NPFFR2: variants seen among roughly 807,000 people sequenced by gnomAD.
NPFFR2 encodes the protein G-protein coupled receptor 74.
In NPFFR2, 15 loss-of-function variants were observed where a neutral mutation model predicts 13.1. The observed-to-expected ratio is 1.15, with a 90% CI of 0.77 to 1.76. The LOEUF (loss-of-function observed/expected upper bound fraction) is 1.76, where lower values mean the gene tolerates loss of function less well. Ranked by LOEUF, NPFFR2 falls within the 40% of genes most tolerant of loss-of-function variation. The pLI is 0.00. For synonymous variants in NPFFR2, 190 were observed against 175.7 expected, an observed-to-expected ratio of 1.08 and a Z score of -0.65; for missense variants, 572 against 503.5, an observed-to-expected ratio of 1.14 and a Z score of -1.30.
chr4:72,039,417 A>G, intron 1 of NPFFR2: 1 of 983,258 alleles, frequency 1.0e-6, no homozygotes, highest in East Asian at 1.1e-4. Context: ...ATTACAGGTA[A>G]CCAATCTTAA....
intron 1 of NPFFR2, among the ~76,000 whole-genome samples, chr4:72,068,669 T>C (rs985806788): frequency 1.3e-5 from 2 of 152,066 alleles, no homozygotes; most frequent in Non-Finnish European, 2.9e-5. Flanking sequence ...AATTAATGAA[T>C]GAATAAATGA....
chr4:72,085,918 T>C (rs752348171), intron 1 of NPFFR2, among the ~76,000 whole-genome samples: 2 of 152,056 alleles, frequency 1.3e-5, no homozygotes, highest in Non-Finnish European at 2.9e-5. Flanking sequence ...GAAGAAACAA[T>C]GGAGGGAAAA....
At position 72,128,612 on chromosome 4, in the gene NPFFR2, A is replaced by T; in HGVS notation, c.21A>T (p.Thr7=). The change falls in exon 2 of 4, where the codon ACA becomes ACT. Residue 7 remains threonine, a synonymous_variant. Coordinates refer to ENST00000308744, the MANE Select transcript of NPFFR2 (RefSeq NM_004885.3). Reference sequence around the variant, plus strand: ...TCATCATGAATGAGAAATGGGACACAAACTCTTCAGAAAACTGGCATCCCA... The same window carrying T: ...TCATCATGAATGAGAAATGGGACACTAACTCTTCAGAAAACTGGCATCCCA... The part of the protein sequence containing the change: MNEKWD[T]NSSENWHPIW... 3.1e-6 allele frequency: 5 copies of T among 1,609,922 alleles called. No individual in the cohort carries two copies. The highest frequency in any genetic ancestry group is 4.2e-6 in the Non-Finnish European group (5 of 1,176,826).
intron 1 of NPFFR2, among the ~76,000 whole-genome samples, chr4:72,117,189 CT>C (rs1341710943): frequency 6.6e-6 from 1 of 152,150 alleles, no homozygotes; most frequent in African/African-American, 2.4e-5. Context: ...CCCGGCAGGA[CT>C]GACAGTAAAT....
chr4:72,046,758 G>C (rs1007928248), intron 1 of NPFFR2, among the ~76,000 whole-genome samples: 2 of 152,166 alleles, frequency 1.3e-5, no homozygotes, highest in African/African-American at 2.4e-5. Context: ...CTGGTAAGGG[G>C]TCCAAACAAG....
intron 1 of NPFFR2, among the ~76,000 whole-genome samples, chr4:72,043,129 G>A (rs1719276562): frequency 1.3e-5 from 2 of 152,176 alleles, no homozygotes; most frequent in African/African-American, 4.8e-5. Flanking sequence ...CCAATCCTTG[G>A]TAGCTGCCAT....
In NPFFR2 at chr4:72,056,352, A is replaced by G. The variant is rs111663988; in HGVS notation, c.-8+24152A>G. ...TGATGACAGCACTTCTGTTTACAGC[A>G]TGGTGTACTCTATACTTTCAGCCCA... is the stretch of plus-strand genomic sequence containing the variant. On this transcript the variant is annotated intron_variant, in intron 1 of 3. Coordinates refer to ENST00000308744, the MANE Select transcript of NPFFR2 (RefSeq NM_004885.3). Among the ~76,000 whole-genome samples, 452 of 152,120 alleles carry G rather than the reference A, an allele frequency of 3.0e-3. 3 individuals carry two copies. The highest frequency in any genetic ancestry group is 9.9e-3 in the African/African-American group (410 of 41,532).
Position 72,147,729 on chromosome 4 carries a change from C to T in NPFFR2, c.1180C>T (p.Leu394Phe), listed in dbSNP as rs1450281981. The T allele has an allele frequency of 6.2e-7, 1 of 1,608,800 alleles. No individual in the cohort carries two copies. The highest frequency in any genetic ancestry group is 8.5e-7 in the Non-Finnish European group (1 of 1,178,810). Residue 394 changes from leucine to phenylalanine, a missense_variant, in exon 4 of 4, where the codon CTT becomes TTT. Coordinates refer to ENST00000308744, the MANE Select transcript of NPFFR2 (RefSeq NM_004885.3). The part of the protein sequence containing the change: ...TFQNPHGETL[L>F]YRKSAEKPQQ... ...TCAAAACCCTCATGGGGAAACCTTG[C>T]TTTATAGGAAAAGTGCTGAAAAACC... is the stretch of plus-strand genomic sequence containing the variant.
At chr4:72,070,849 G>A (rs993123187) in intron 1 of NPFFR2, among the ~76,000 whole-genome samples, 4 of 152,082 alleles carry the variant, frequency 2.6e-5, no homozygotes, top group Admixed American at 6.6e-5. Flanking sequence ...AAAACGTATT[G>A]TATACTTGTA....
chr4:72,124,188 A>G (rs1361246297), intron 1 of NPFFR2, among the ~76,000 whole-genome samples: 1 of 152,182 alleles, frequency 6.6e-6, no homozygotes, highest in African/African-American at 2.4e-5. Context: ...TAAAATACCT[A>G]GGAATACAAC....
intron 1 of NPFFR2, among the ~76,000 whole-genome samples, chr4:72,101,430 A>T (rs1721246747): frequency 6.6e-6 from 1 of 151,752 alleles, no homozygotes; most frequent in African/African-American, 2.4e-5. Context: ...CTTTCAAATT[A>T]GAAGAATTGG....
At chr4:72,036,387 T>C (rs943498136) in intron 1 of NPFFR2, among the ~76,000 whole-genome samples, 2 of 151,886 alleles carry the variant, frequency 1.3e-5, no homozygotes, top group African/African-American at 4.8e-5. Flanking sequence ...GAGATAAATA[T>C]TACAGTCCTC....
At chr4:72,102,999 G>A (rs961474493) in intron 1 of NPFFR2, among the ~76,000 whole-genome samples, 6 of 152,098 alleles carry the variant, frequency 3.9e-5, no homozygotes, top group African/African-American at 1.4e-4. Flanking sequence ...CAGCGTCAAA[G>A]TGTTCCTATT....
intron 1 of NPFFR2, among the ~76,000 whole-genome samples, chr4:72,084,742 A>G (rs1012691581): frequency 6.6e-6 from 1 of 152,140 alleles, no homozygotes; most frequent in African/African-American, 2.4e-5. Context: ...TCAACCTGGA[A>G]TGAGGGACAC....
intron 1 of NPFFR2, among the ~76,000 whole-genome samples, chr4:72,055,298 G>A (rs370429491): frequency 6.6e-6 from 1 of 151,498 alleles, no homozygotes; most frequent in African/African-American, 2.4e-5. Flanking sequence ...GGTAATTCTT[G>A]TGATAATAAA....
Position 72,088,663 on chromosome 4 carries a change from G to T in NPFFR2, c.-7-39922G>T, listed in dbSNP as rs562274135. Among the ~76,000 whole-genome samples the T allele has an allele frequency of 1.1e-4, 16 of 152,072 alleles. No homozygotes were observed. In the South Asian group the frequency reaches 3.3e-3, roughly 32 times the overall value. ...GCAGAAGGCAAAGGGGAAGCAACAC[G>T]TCTTACATGGCAGCAGGAGAGAGAG... On this transcript the variant is annotated intron_variant, in intron 1 of 3. Coordinates refer to ENST00000308744, the MANE Select transcript of NPFFR2 (RefSeq NM_004885.3).
chr4:72,078,099 A>G (rs1274124989), intron 1 of NPFFR2, among the ~76,000 whole-genome samples: 1 of 152,082 alleles, frequency 6.6e-6, no homozygotes, highest in African/African-American at 2.4e-5. Context: ...CTATTTCTTA[A>G]TGTTTGTTCC....
At chr4:72,085,800 A>G (rs1281667231) in intron 1 of NPFFR2, among the ~76,000 whole-genome samples, 1 of 152,166 alleles carries the variant, frequency 6.6e-6, no homozygotes, top group South Asian at 2.1e-4. Flanking sequence ...ACAGCAAACT[A>G]AAGTTTTTAA....
chr4:72,134,124 G>C (rs1049333770), intron 2 of NPFFR2, among the ~76,000 whole-genome samples: 2 of 152,066 alleles, frequency 1.3e-5, no homozygotes, highest in African/African-American at 4.8e-5. Context: ...AATTAGCCTG[G>C]TATGGTGGCG....
Sources: gnomAD v4.1 joint callset for allele counts (sites outside exome capture counted in the v4.1 genomes callset) on GRCh38, gnomAD v4.1.1 for gene constraint, MANE v1.5 for transcripts, NCBI Gene and HGNC (gene_info 2026-07-23, HGNC 2026-07-21) for gene names.